NLRP11: variants seen among roughly 807,000 people sequenced by gnomAD.
NLRP11 encodes the protein NACHT, LRR and PYD domains-containing protein 11.
In NLRP11, 53 loss-of-function variants were observed where a neutral mutation model predicts 79.3. The observed-to-expected ratio is 0.67, with a 90% CI of 0.54 to 0.84. The LOEUF is 0.84. Among genes scored for constraint, NLRP11 ranks in the 40% least tolerant of loss-of-function variants. The pLI is 0.00. For missense variants in NLRP11, 1,264 were observed against 1,255.0 expected (o/e 1.01, Z -0.11); for synonymous variants, 518 against 462.6 (o/e 1.12, Z -1.54).
At chr19:55,812,450 G>A (rs1980694287) in intron 2 of NLRP11, among the ~76,000 whole-genome samples, 1 of 152,182 alleles carries the variant, frequency 6.6e-6, no homozygotes, top group Non-Finnish European at 1.5e-5. Flanking sequence ...CAAAGGACCA[G>A]TATAAAATAC....
chr19:55,823,608 T>G (rs1487269555), intron 1 of NLRP11, among the ~76,000 whole-genome samples: 1 of 145,288 alleles, frequency 6.9e-6, no homozygotes, highest in African/African-American at 2.6e-5. Flanking sequence ...GAGAACTACG[T>G]GAAGAATGCA....
rs1195342827 is a variant in NLRP11 at position 55,808,064 on chromosome 19, C to T, written c.1842-50G>A. 2.3e-6 allele frequency: 3 copies of T among 1,281,814 alleles called. No homozygotes were observed. The South Asian group carries it at 4.0e-5, about 17-fold the overall frequency. 79.4% of individuals were successfully genotyped at this position (1,281,814 alleles called of 1,614,324 possible). ...TCCAATGGAATCGATTCAACTCCAGCAATTTGTAAAACATGTAAATTAAAG... is the reference window on the plus strand; with the variant it reads ...TCCAATGGAATCGATTCAACTCCAGTAATTTGTAAAACATGTAAATTAAAG... On this transcript the variant is annotated intron_variant, in intron 3 of 9. Transcript: ENST00000589093.
chr19:55,796,958 C>G (rs529776517), intron 5 of NLRP11, among the ~76,000 whole-genome samples: 4 of 152,042 alleles, frequency 2.6e-5, no homozygotes, highest in Non-Finnish European at 5.9e-5. Flanking sequence ...CAAAGTGCTG[C>G]GATTACAGGC....
At chr19:55,827,399 G>A (rs1344013784) in intron 1 of NLRP11, among the ~76,000 whole-genome samples, 1 of 150,376 alleles carries the variant, frequency 6.6e-6, no homozygotes, top group Non-Finnish European at 1.5e-5. Flanking sequence ...GGCAACAAAA[G>A]CCAAAATTGA....
intron 1 of NLRP11, among the ~76,000 whole-genome samples, chr19:55,823,183 C>T (rs1247047197): frequency 2.1e-5 from 3 of 145,646 alleles, no homozygotes; most frequent in Admixed American, 1.4e-4. Context: ...GGTATTCCAA[C>T]AGACCTGCAG....
At position 55,814,409 on chromosome 19, in the gene NLRP11, T is replaced by TC. The variant is rs548002190; in HGVS notation, c.271+3494dup. Among the ~76,000 whole-genome samples the TC allele has an allele frequency of 5.3e-5, 8 of 152,142 alleles. No homozygotes were observed. The South Asian group carries it at 1.7e-3, about 32-fold the overall frequency. ...ATTTGAATTATCCCCAAACCATCCA[T>TC]CTCCACCCCTTCTAGTCCATGGAAA... On this transcript the variant is annotated intron_variant, in intron 2 of 9. Transcript: ENST00000589093.
intron 2 of NLRP11, among the ~76,000 whole-genome samples, chr19:55,817,533 A>G (rs1309633187): frequency 6.6e-6 from 1 of 152,170 alleles, no homozygotes; most frequent in Non-Finnish European, 1.5e-5. Context: ...AGCAAGCTGG[A>G]TGGGATTAGA....
intron 9 of NLRP11, among the ~76,000 whole-genome samples, 158 bp from the exon 10 acceptor site, chr19:55,786,029 G>A (rs561422172): frequency 6.3e-4 from 96 of 152,296 alleles, no homozygotes; most frequent in African/African-American, 2.0e-3. Flanking sequence ...ACTGAAAACC[G>A]TGAGATAGCG....
intron 6 of NLRP11, among the ~76,000 whole-genome samples, chr19:55,795,373 A>C (rs1978730526): frequency 6.6e-6 from 1 of 151,664 alleles, no homozygotes; most frequent in African/African-American, 2.4e-5. Flanking sequence ...GTCACATCTC[A>C]TCCTACACGA....
chr19:55,811,772 C>G (rs1980626255), intron 2 of NLRP11, among the ~76,000 whole-genome samples: 1 of 152,150 alleles, frequency 6.6e-6, no homozygotes, highest in Non-Finnish European at 1.5e-5. Flanking sequence ...AAAAAAAAAT[C>G]TTTGGAAGAT....
At chr19:55,822,040 C>T (rs949345127) in intron 1 of NLRP11, among the ~76,000 whole-genome samples, 1 of 152,140 alleles carries the variant, frequency 6.6e-6, no homozygotes, top group Non-Finnish European at 1.5e-5. Context: ...GGGTGGATCA[C>T]CTGAGGTCAG....
chr19:55,792,022 G>A (rs1298241259), intron 7 of NLRP11, among the ~76,000 whole-genome samples: 1 of 124,226 alleles, frequency 8.0e-6, no homozygotes, highest in Non-Finnish European at 1.8e-5. Context: ...ATTTTCCCAT[G>A]CTATGTCCAC....
At chr19:55,785,524 C>T (rs1989813237) in exon 10 of NLRP11, 3 of 1,047,886 alleles carry the variant, frequency 2.9e-6, no homozygotes, top group Non-Finnish European at 4.2e-6. Flanking sequence ...CACACACACA[C>T]ACACACACAC....
At chr19:55,811,919 C>G (rs1041936159) in intron 2 of NLRP11, among the ~76,000 whole-genome samples, 8 of 151,914 alleles carry the variant, frequency 5.3e-5, no homozygotes, top group African/African-American at 1.9e-4. Context: ...ATCCAGGAGT[C>G]TCTTCACTCA....
intron 2 of NLRP11, among the ~76,000 whole-genome samples, chr19:55,817,328 C>T (rs997950078): frequency 6.6e-6 from 1 of 152,098 alleles, no homozygotes; most frequent in Non-Finnish European, 1.5e-5. Flanking sequence ...TACTGTGTAT[C>T]TACCCAGAGG....
chr19:55,813,772 T>C (rs955468095), intron 2 of NLRP11, among the ~76,000 whole-genome samples: 1 of 151,980 alleles, frequency 6.6e-6, no homozygotes, highest in African/African-American at 2.4e-5. Context: ...CATTGCAATG[T>C]CCATGGAAGT....
intron 2 of NLRP11, among the ~76,000 whole-genome samples, chr19:55,814,800 A>G (rs1031403077): frequency 1.3e-5 from 2 of 152,198 alleles, no homozygotes; most frequent in African/African-American, 4.8e-5. Context: ...TCTAGGACAC[A>G]CGGGATTCAT....
intron 4 of NLRP11, among the ~76,000 whole-genome samples, chr19:55,803,295 C>A (rs955035304): frequency 6.6e-6 from 1 of 152,068 alleles, no homozygotes; most frequent in East Asian, 1.9e-4. Flanking sequence ...TGCAGTGAGC[C>A]GAGATCATGC....
intron 1 of NLRP11, among the ~76,000 whole-genome samples, chr19:55,828,301 G>A (rs1766443838): frequency 6.6e-6 from 1 of 150,492 alleles, no homozygotes; most frequent in Non-Finnish European, 1.5e-5. Flanking sequence ...AGCATTGGGA[G>A]ATATACCTAA....
Sources: gnomAD v4.1 joint callset for allele counts (sites outside exome capture counted in the v4.1 genomes callset) on GRCh38, gnomAD v4.1.1 for gene constraint, MANE v1.5 for transcripts, NCBI Gene and HGNC (gene_info 2026-07-23, HGNC 2026-07-21) for gene names.